Variants in GULP1 observed in about 807,000 individuals in gnomAD.
The protein encoded by GULP1 is GULP PTB domain containing engulfment adaptor 1.
A neutral mutation model predicts 40.9 loss-of-function variants in GULP1; 19 were observed. That is an observed-to-expected ratio of 0.46 (90% CI 0.32 to 0.68). GULP1 has a LOEUF of 0.68. GULP1 is among the 30% of genes least tolerant of loss of function. The probability of loss-of-function intolerance (pLI) is 0.03; values close to 1 mark genes in which losing one functional copy is unlikely to be tolerated. For synonymous variants in GULP1, 119 were observed against 117.6 expected (o/e 1.01, Z -0.08); for missense variants, 312 against 362.2 (o/e 0.86, Z 1.12).
intron 2 of GULP1, among the ~76,000 whole-genome samples, chr2:188,392,924 C>G (rs370772431): frequency 1.0e-3 from 159 of 151,996 alleles, no homozygotes; most frequent in African/African-American, 3.7e-3. Context: ...TGATTTCTAG[C>G]TTTATTCTCC....
intron 2 of GULP1, among the ~76,000 whole-genome samples, chr2:188,415,514 A>G (rs889309812): frequency 6.6e-6 from 1 of 152,212 alleles, no homozygotes; most frequent in African/African-American, 2.4e-5. Flanking sequence ...AATTAAAAAA[A>G]AAAAAGTAAG....
chr2:188,293,821 C>G (rs1391366906), intron 1 of GULP1: 1 of 152,340 alleles, frequency 6.6e-6, no homozygotes, highest in East Asian at 1.9e-4. Context: ...CCAAACTAGA[C>G]TGAGCTCAGT....
chr2:188,585,012 C>T (rs984119051), intron 10 of GULP1, among the ~76,000 whole-genome samples: 1 of 152,140 alleles, frequency 6.6e-6, no homozygotes, highest in Non-Finnish European at 1.5e-5. Context: ...ATACAATGAG[C>T]ATACAGGCAT....
intron 1 of GULP1, among the ~76,000 whole-genome samples, chr2:188,358,289 G>A (rs940796378): frequency 6.6e-6 from 1 of 152,152 alleles, no homozygotes; most frequent in Non-Finnish European, 1.5e-5. Context: ...TCAAAAAGTT[G>A]TTTTTATAGA....
chr2:188,319,166 T>A (rs1266234298), intron 1 of GULP1, among the ~76,000 whole-genome samples: 1 of 152,190 alleles, frequency 6.6e-6, no homozygotes, highest in Non-Finnish European at 1.5e-5. Context: ...TAAATGTTAA[T>A]AAGCTATAGC....
At chr2:188,438,988 A>G (rs1428068501) in intron 2 of GULP1, among the ~76,000 whole-genome samples, 1 of 152,098 alleles carries the variant, frequency 6.6e-6, no homozygotes, top group Non-Finnish European at 1.5e-5. Flanking sequence ...CTTAAAAAAG[A>G]ACTCTCTATG....
chr2:188,544,284 T>C (rs980060207), intron 7 of GULP1, among the ~76,000 whole-genome samples: 1 of 152,034 alleles, frequency 6.6e-6, no homozygotes. Flanking sequence ...ATTATAATTA[T>C]AGGACAAAGG....
intron 7 of GULP1, among the ~76,000 whole-genome samples, chr2:188,553,102 T>C (rs1693907047): frequency 6.6e-6 from 1 of 151,898 alleles, no homozygotes; most frequent in Non-Finnish European, 1.5e-5. Context: ...GCAATTAGGT[T>C]TTTCTAGATA....
intron 2 of GULP1, among the ~76,000 whole-genome samples, chr2:188,414,287 A>G (rs1472432929): frequency 6.6e-6 from 1 of 150,750 alleles, no homozygotes; most frequent in Non-Finnish European, 1.5e-5. Flanking sequence ...TTTCTAGTTG[A>G]TGGCCAGTTT....
At chr2:188,465,739 G>A (rs1475481905) in intron 2 of GULP1, among the ~76,000 whole-genome samples, 1 of 152,094 alleles carries the variant, frequency 6.6e-6, no homozygotes, top group African/African-American at 2.4e-5. Flanking sequence ...GCAGCACTGA[G>A]TTCAATGCCT....
intron 1 of GULP1, among the ~76,000 whole-genome samples, chr2:188,325,091 A>C (rs2040561215): frequency 6.6e-6 from 1 of 152,026 alleles, no homozygotes; most frequent in African/African-American, 2.4e-5. Flanking sequence ...GTCAATCACA[A>C]GTGTATTGGT....
At chr2:188,568,536 T>G (rs1698320995) in intron 7 of GULP1, among the ~76,000 whole-genome samples, 1 of 152,236 alleles carries the variant, frequency 6.6e-6, no homozygotes. Context: ...TCAGATGACA[T>G]ATATATTTTG....
intron 2 of GULP1, among the ~76,000 whole-genome samples, chr2:188,471,972 C>T (rs986696712): frequency 3.9e-5 from 6 of 152,118 alleles, no homozygotes; most frequent in African/African-American, 1.4e-4. Context: ...TGAAATAACT[C>T]AGCTATTGTT....
intron 2 of GULP1, among the ~76,000 whole-genome samples, chr2:188,423,126 C>T (rs1043823139): frequency 2.6e-5 from 4 of 152,026 alleles, no homozygotes; most frequent in Non-Finnish European, 4.4e-5. Context: ...CAGGTTCCAC[C>T]AGCTAAGGGT....
chr2:188,357,999 C>T (rs144412783), intron 1 of GULP1, among the ~76,000 whole-genome samples: 5 of 152,090 alleles, frequency 3.3e-5, no homozygotes, highest in East Asian at 1.9e-4. Context: ...GCCAACATGG[C>T]GAAACCCTGT....
At chr2:188,458,819 C>G (rs896314690) in intron 2 of GULP1, among the ~76,000 whole-genome samples, 5 of 151,738 alleles carry the variant, frequency 3.3e-5, no homozygotes, top group African/African-American at 1.2e-4. Context: ...CTCCATCTCC[C>G]TCACAGCACT....
chr2:188,538,117 G>T (rs763085559), intron 6 of GULP1, among the ~76,000 whole-genome samples: 2 of 151,860 alleles, frequency 1.3e-5, no homozygotes, highest in African/African-American at 4.8e-5. Context: ...TGATCTTGTT[G>T]ATCCTTCCAA....
At chr2:188,412,132 C>G (rs2053973559) in intron 2 of GULP1, among the ~76,000 whole-genome samples, 1 of 152,040 alleles carries the variant, frequency 6.6e-6, no homozygotes, top group Non-Finnish European at 1.5e-5. Context: ...CTGGGGAGGC[C>G]TCAGGAAACT....
intron 2 of GULP1, among the ~76,000 whole-genome samples, chr2:188,400,481 A>C (rs2052069601): frequency 3.9e-5 from 6 of 152,200 alleles, no homozygotes; most frequent in Admixed American, 3.3e-4. Flanking sequence ...TAAGAGGTGG[A>C]GAGGAGAGAT....
Sources: allele counts gnomAD v4.1 joint callset (sites outside exome capture counted in the v4.1 genomes callset), GRCh38; gene constraint gnomAD v4.1.1; transcripts MANE v1.5; gene names NCBI Gene and HGNC (gene_info 2026-07-23, HGNC 2026-07-21).